The following NMNAT3 variants were observed in gnomAD, a reference collection of about 807,000 sequenced individuals.
NMNAT3 encodes nicotinamide nucleotide adenylyltransferase 3.
In NMNAT3, 21 loss-of-function variants were observed where a neutral mutation model predicts 24.8. That is an observed-to-expected ratio of 0.85 (90% confidence interval 0.60 to 1.22). The LOEUF is 1.22. Among genes scored for constraint, NMNAT3 ranks in the 50% most tolerant of loss-of-function variants. The pLI is 0.00. For synonymous variants in NMNAT3, 136 were observed against 155.2 expected (o/e 0.88, Z 0.92); for missense variants, 387 against 436.6 (o/e 0.89, Z 1.01).
intron 6 of NMNAT3, chr3:139,568,743 A>G (rs891315056): frequency 1.3e-5 from 2 of 152,154 alleles, no homozygotes; most frequent in Non-Finnish European, 2.9e-5. Flanking sequence ...ACATTTGCTG[A>G]GGAGTGCTTT....
intron 3 of NMNAT3, among the ~76,000 whole-genome samples, chr3:139,589,436 G>C (rs563245054): frequency 2.0e-4 from 30 of 152,320 alleles, no homozygotes; most frequent in African/African-American, 7.2e-4. Flanking sequence ...AGTTTCAAAA[G>C]AGAAAACCAG....
At chr3:139,653,810 A>G (rs1045905656) in intron 1 of NMNAT3, among the ~76,000 whole-genome samples, 60 of 152,182 alleles carry the variant, frequency 3.9e-4, no homozygotes, top group Admixed American at 3.5e-3. Flanking sequence ...TGCTTGAGTC[A>G]CAGTCAGCAA....
At chr3:139,639,914 A>G (rs1454265051) in intron 1 of NMNAT3, among the ~76,000 whole-genome samples, 1 of 152,200 alleles carries the variant, frequency 6.6e-6, no homozygotes, top group Non-Finnish European at 1.5e-5. Context: ...AGGAGATACT[A>G]GAGGTCATGA....
intron 1 of NMNAT3, among the ~76,000 whole-genome samples, chr3:139,660,973 C>T (rs1479816573): frequency 6.6e-6 from 1 of 152,092 alleles, no homozygotes; most frequent in East Asian, 1.9e-4. Context: ...TAGTATGTAC[C>T]ATGAGATATT....
chr3:139,606,196 G>A (rs1469508372), intron 3 of NMNAT3, among the ~76,000 whole-genome samples: 2 of 152,062 alleles, frequency 1.3e-5, no homozygotes, highest in Non-Finnish European at 2.9e-5. Flanking sequence ...CAGTTCAATC[G>A]AGGATCTCAC....
In NMNAT3 at chr3:139,561,384, C is replaced by T. The variant is rs759757740; in HGVS notation, c.667G>A (p.Glu223Lys). The T allele has an allele frequency of 4.3e-6, 7 of 1,611,648 alleles. No individual in the cohort carries two copies. In the South Asian group the frequency reaches 7.7e-5, roughly 18 times the overall value. Reference sequence around the variant, plus strand: ...TCTGCCCCACAGAGAAGCTTCAGCTCAGGCACAGCTGCAAAAACAAGGATG... The same window carrying T: ...TCTGCCCCACAGAGAAGCTTCAGCTTAGGCACAGCTGCAAAAACAAGGATG... Residue 223 changes from glutamate to lysine, a missense_variant, in exon 7 of 7, where the codon GAG becomes AAG. Coordinates refer to ENST00000643695, the MANE Select transcript of NMNAT3 (RefSeq NM_001320510.2).
chr3:139,595,275 A>G (rs1320138700), intron 3 of NMNAT3, among the ~76,000 whole-genome samples: 1 of 152,190 alleles, frequency 6.6e-6, no homozygotes, highest in Non-Finnish European at 1.5e-5. Context: ...GACCTCTTCA[A>G]GGAGAACTAC....
chr3:139,654,711 G>T (rs968855176), intron 1 of NMNAT3, among the ~76,000 whole-genome samples: 1 of 152,190 alleles, frequency 6.6e-6, no homozygotes, highest in African/African-American at 2.4e-5. Context: ...ATGCATTATA[G>T]GATTTATGTT....
At chr3:139,642,270 T>A (rs1019493577) in intron 1 of NMNAT3, among the ~76,000 whole-genome samples, 2 of 152,226 alleles carry the variant, frequency 1.3e-5, no homozygotes, top group Non-Finnish European at 2.9e-5. Context: ...TTCAGTGGCG[T>A]GTGGCCCAAA....
At chr3:139,607,561 G>T (rs1163771943) in intron 3 of NMNAT3, among the ~76,000 whole-genome samples, 1 of 152,084 alleles carries the variant, frequency 6.6e-6, no homozygotes, top group Non-Finnish European at 1.5e-5. Context: ...TGCCCTCAGT[G>T]TGGCTATGTA....
At chr3:139,656,353 G>A (rs934029365) in intron 1 of NMNAT3, among the ~76,000 whole-genome samples, 1 of 152,156 alleles carries the variant, frequency 6.6e-6, no homozygotes, top group Non-Finnish European at 1.5e-5. Flanking sequence ...TTTCTAAAGT[G>A]CAGCTTGAAT....
At position 139,585,996 on chromosome 3, in the gene NMNAT3, C is replaced by T. The variant is rs144487711; in HGVS notation, c.110-2788G>A. Among the ~76,000 whole-genome samples, 270 of 152,280 alleles carry T rather than the reference C, an allele frequency of 1.8e-3. 1 individual carries two copies. The highest frequency in any genetic ancestry group is 4.2e-3 in the African/African-American group (176 of 41,556). The stretch of plus-strand genomic sequence containing the variant: ...CTGCTGATTCAAAGCTTAAGTGAGC[C>T]GTTCTGGCAAGTGCTCAACAGGGCA... On this transcript the variant is annotated intron_variant, in intron 3 of 6. Coordinates refer to ENST00000643695, the MANE Select transcript of NMNAT3 (RefSeq NM_001320510.2).
At chr3:139,670,795 A>G (rs183037512) in intron 1 of NMNAT3, among the ~76,000 whole-genome samples, 1 of 152,322 alleles carries the variant, frequency 6.6e-6, no homozygotes, top group East Asian at 1.9e-4. Context: ...AATGTCACCA[A>G]TAAGGGCTCT....
chr3:139,654,346 G>A (rs115502451), intron 1 of NMNAT3, among the ~76,000 whole-genome samples: 2,146 of 152,284 alleles, frequency 0.014, 49 homozygotes, highest in African/African-American at 0.049. Flanking sequence ...TCACTAGCAG[G>A]CCTGTGGGCC....
chr3:139,562,693 G>A (rs1240260797), intron 6 of NMNAT3, among the ~76,000 whole-genome samples: 1 of 152,212 alleles, frequency 6.6e-6, no homozygotes, highest in African/African-American at 2.4e-5. Context: ...AGAGACTGGA[G>A]GTGTCATGGA....
intron 1 of NMNAT3, among the ~76,000 whole-genome samples, chr3:139,675,445 C>T (rs2057898385): frequency 6.6e-6 from 1 of 152,166 alleles, no homozygotes; most frequent in Non-Finnish European, 1.5e-5. Flanking sequence ...CCCTTTTCAA[C>T]CCTAGTTTTC....
At chr3:139,597,769 T>C (rs1340431533) in intron 3 of NMNAT3, among the ~76,000 whole-genome samples, 1 of 152,206 alleles carries the variant, frequency 6.6e-6, no homozygotes, top group Non-Finnish European at 1.5e-5. Context: ...TAGTAGCAGA[T>C]GGGACATAAA....
At chr3:139,585,831 G>A (rs774393762) in intron 3 of NMNAT3, among the ~76,000 whole-genome samples, 1 of 152,220 alleles carries the variant, frequency 6.6e-6, no homozygotes, top group Non-Finnish European at 1.5e-5. Context: ...GGGGGAAAAG[G>A]TGAATTAAGA....
chr3:139,606,482 G>A (rs965086126), intron 3 of NMNAT3, among the ~76,000 whole-genome samples: 1 of 152,160 alleles, frequency 6.6e-6, no homozygotes, highest in East Asian at 1.9e-4. Flanking sequence ...ACTTGGTTGA[G>A]TGGTATATTC....
Sources: gnomAD v4.1 joint callset for allele counts (sites outside exome capture counted in the v4.1 genomes callset) on GRCh38, gnomAD v4.1.1 for gene constraint, MANE v1.5 for transcripts, NCBI Gene and HGNC (gene_info 2026-07-23, HGNC 2026-07-21) for gene names.